The following JAKMIP1 variants were observed in gnomAD, a reference collection of about 807,000 sequenced individuals.
The protein encoded by JAKMIP1 is janus kinase and microtubule interacting protein 1, also known as janus kinase and microtubule-interacting protein 1.
JAKMIP1 carries 33 observed loss-of-function variants against 113.0 expected under a neutral mutation model. The ratio of observed to expected loss-of-function variants is 0.29; its 90% CI spans 0.22 to 0.39. The LOEUF is 0.39. JAKMIP1 is among the 10% of genes least tolerant of loss of function. The pLI, the probability that JAKMIP1 is intolerant of heterozygous loss-of-function variation, is 1.00. For missense variants in JAKMIP1, 813 were observed against 1,080.5 expected (o/e 0.75, Z 3.47); for synonymous variants, 480 against 459.9 (o/e 1.04, Z -0.56).
At chr4:6,071,207 G>T (rs768628503) in intron 8 of JAKMIP1, among the ~76,000 whole-genome samples, 1 of 152,166 alleles carries the variant, frequency 6.6e-6, no homozygotes, top group Non-Finnish European at 1.5e-5. Flanking sequence ...GTTTCCTAAT[G>T]AGGCACCACC....
Position 6,153,091 on chromosome 4 carries a change from T to C in JAKMIP1, c.-147-40094A>G, listed in dbSNP as rs2108988083. Reference sequence around the variant, plus strand: ...CCAGCCCCACCCATGCACATCCCCCTCCCCTACCTGCCTGAAGACTACACA... The same window carrying C: ...CCAGCCCCACCCATGCACATCCCCCCCCCCTACCTGCCTGAAGACTACACA... On this transcript the variant is annotated intron_variant, in intron 1 of 20. Coordinates refer to ENST00000409021, the MANE Select transcript of JAKMIP1 (RefSeq NM_001099433.2). This position sits in a 1 kb window ranked among gnomAD's most constrained non-coding sequence, Gnocchi z 4.9. Among the ~76,000 whole-genome samples, 1 of 151,702 alleles carries C rather than the reference T, an allele frequency of 6.6e-6. No individual in the cohort carries two copies. The highest frequency in any genetic ancestry group is 2.4e-5 in the African/African-American group (1 of 41,310).
At position 6,076,415 on chromosome 4, in the gene JAKMIP1, G is replaced by A. The variant is rs1420801982; in HGVS notation, c.1302+2524C>T. ...GTTTTTCTATATTATATATATATAT[G>A]TCTTCTGTAGCTGTAAAATTGAAAA... On this transcript the variant is annotated intron_variant, in intron 8 of 20. Transcript: ENST00000409021. The surrounding 1 kb of genome is among the most constrained non-coding windows in gnomAD (Gnocchi z 4.8). Among the ~76,000 whole-genome samples the A allele has an allele frequency of 7.1e-6, 1 of 141,560 alleles. No homozygotes were observed. Among genetic ancestry groups the A allele is most frequent in the Non-Finnish European group, 1.6e-5 (1 of 63,010 alleles). 92.9% of individuals were successfully genotyped at this position (141,560 alleles called of 152,430 possible). A position where few individuals can be genotyped will look rare whatever the true frequency, so the allele number is the denominator to read the frequency against.
Position 6,105,629 on chromosome 4 carries a change from C to G in JAKMIP1, c.468G>C (p.Leu156=). The G allele has an allele frequency of 1.9e-6, 3 of 1,595,342 alleles. No individual in the cohort carries two copies. Among genetic ancestry groups the G allele is most frequent in the Non-Finnish European group, 2.6e-6 (3 of 1,171,574 alleles). ...CCTGCTTGCGCGCTGCCTTGAGCTC[C>G]AGGATCTCCTGCTGCAGCCGCAGGC... The part of the protein sequence containing the change: ...GERLRLQQEI[L]ELKAARKQAE... Residue 156 remains leucine (L), a synonymous_variant, in exon 3 of 21, where the codon CTG becomes CTC. Transcript: ENST00000409021.
At chr4:6,056,847 T>A in intron 11 of JAKMIP1, 88 bp from the exon 12 acceptor site, 1 of 889,582 alleles carries the variant, frequency 1.1e-6, no homozygotes, top group Non-Finnish European at 1.9e-6. Context: ...TCACTTTCTA[T>A]GAAACTGACC....
chr4:6,064,865 T>C lies in JAKMIP1; in HGVS notation c.1431+15A>G, dbSNP rs752836179. 1.2e-6 allele frequency: 2 copies of C among 1,613,876 alleles called. No homozygotes were observed. The highest frequency in any genetic ancestry group is 4.5e-5 in the East Asian group (2 of 44,880). ...ATCTGGGGTGAGGTCCCGCCCTCTCTGCAGGTTTGCTTACATCGTCCAAGT... is the reference window on the plus strand; with the variant it reads ...ATCTGGGGTGAGGTCCCGCCCTCTCCGCAGGTTTGCTTACATCGTCCAAGT... On this transcript the variant is annotated intron_variant, in intron 9 of 20. Transcript: ENST00000409021. The surrounding 1 kb of genome is among the most constrained non-coding windows in gnomAD (Gnocchi z 4.3).
At chr4:6,060,603 C>T (rs1373118347) in intron 10 of JAKMIP1, 96 bp from the exon 11 acceptor site, 1 of 878,486 alleles carries the variant, frequency 1.1e-6, no homozygotes, top group African/African-American at 1.6e-5. Context: ...TGCCTAGGGT[C>T]CTTATAGGCA....
chr4:6,139,884 C>T lies in JAKMIP1; in HGVS notation c.-147-26887G>A, dbSNP rs114478083. Among the ~76,000 whole-genome samples, 1,183 of 152,188 alleles carry T rather than the reference C, an allele frequency of 7.8e-3. 12 individuals are homozygous for T. The highest frequency in any genetic ancestry group is 0.042 in the South Asian group (200 of 4,802). On this transcript the variant is annotated intron_variant, in intron 1 of 20. Coordinates refer to ENST00000409021, the MANE Select transcript of JAKMIP1 (RefSeq NM_001099433.2). The surrounding 1 kb of genome is among the most constrained non-coding windows in gnomAD (Gnocchi z 5.2). The stretch of plus-strand genomic sequence containing the variant: ...GGAGGAGGTCACGGGGCAGATTCCA[C>T]GAGCCAAGGAATACCAAGGACTGCC...
At chr4:6,034,368 T>C (rs757406826) in intron 19 of JAKMIP1, among the ~76,000 whole-genome samples, 2 of 152,162 alleles carry the variant, frequency 1.3e-5, no homozygotes, top group Non-Finnish European at 2.9e-5. Context: ...TCCCAGTGTC[T>C]GTGTTTTCAG....
At chr4:6,160,783 G>T (rs1056468638) in intron 1 of JAKMIP1, among the ~76,000 whole-genome samples, 6 of 152,010 alleles carry the variant, frequency 3.9e-5, no homozygotes, top group Admixed American at 3.9e-4. Context: ...TTTCCTGCGC[G>T]GGGGCTTCAG....
rs771314606 is a variant in JAKMIP1 at position 6,042,537 on chromosome 4, T to C, written c.2029-310A>G. Among the ~76,000 whole-genome samples the C allele has an allele frequency of 5.9e-5, 9 of 151,972 alleles. No homozygotes were observed. Among genetic ancestry groups the C allele is most frequent in the Admixed American group, 1.3e-4 (2 of 15,262 alleles). ...GTGCAGCAGAGGAAGTGGTGTGGTA[T>C]AGCTGATGTCAATGAGTGCCTGCTC... is the stretch of plus-strand genomic sequence containing the variant. On this transcript the variant is annotated intron_variant, in intron 16 of 20. Coordinates refer to ENST00000409021, the MANE Select transcript of JAKMIP1 (RefSeq NM_001099433.2). This position sits in a 1 kb window ranked among gnomAD's most constrained non-coding sequence, Gnocchi z 5.2.
chr4:6,192,488 T>G lies in JAKMIP1; in HGVS notation c.-148+7765A>C, dbSNP rs1727385493. 6.6e-6 allele frequency among the ~76,000 whole-genome samples: 1 copy of G among 152,222 alleles called. No individual in the cohort carries two copies. Among genetic ancestry groups the G allele is most frequent in the South Asian group, 2.1e-4 (1 of 4,832 alleles). ...CACTGCACGCAGACGCCACTGAGCCTGTTTTGGTTTTGGTCTACATCCAAA... is the reference window on the plus strand; with the variant it reads ...CACTGCACGCAGACGCCACTGAGCCGGTTTTGGTTTTGGTCTACATCCAAA... On this transcript the variant is annotated intron_variant, in intron 1 of 20. Coordinates refer to ENST00000409021, the MANE Select transcript of JAKMIP1 (RefSeq NM_001099433.2). This position sits in a 1 kb window ranked among gnomAD's most constrained non-coding sequence, Gnocchi z 5.0.
At chr4:6,170,720 C>G in intron 1 of JAKMIP1, among the ~76,000 whole-genome samples, 1 of 79,560 alleles carries the variant, frequency 1.3e-5, no homozygotes, top group Admixed American at 1.3e-4. Flanking sequence ...ACCACCATCC[C>G]CATCCCCATC....
At chr4:6,118,039 A>G (rs1156792429) in intron 1 of JAKMIP1, among the ~76,000 whole-genome samples, 3 of 152,234 alleles carry the variant, frequency 2.0e-5, no homozygotes, top group Non-Finnish European at 4.4e-5. Flanking sequence ...CTTGGCTGAC[A>G]GGATTAAGAG....
At position 6,081,866 on chromosome 4, in the gene JAKMIP1, G is replaced by A; in HGVS notation, c.955-111C>T. ...CCAGTTAGGACCCCTTCTGAGGCCA[G>A]TGTCCTGGATGACACATTTGTTTGC... On this transcript the variant is annotated intron_variant, in intron 5 of 20. Coordinates refer to ENST00000409021, the MANE Select transcript of JAKMIP1 (RefSeq NM_001099433.2). This position sits in a 1 kb window ranked among gnomAD's most constrained non-coding sequence, Gnocchi z 4.6. 8.1e-7 allele frequency: 1 copy of A among 1,241,298 alleles called. No individual in the cohort carries two copies. The highest frequency in any genetic ancestry group is 1.5e-5 in the African/African-American group (1 of 67,300). The allele number at this position is 1,241,298 out of a possible 1,614,324, so 76.9% of individuals were successfully genotyped here.
chr4:6,056,608 G>T, intron 12 of JAKMIP1, 89 bp downstream of exon 12: 1 of 960,494 alleles, frequency 1.0e-6, no homozygotes, highest in Non-Finnish European at 1.7e-6. Flanking sequence ...TGCCCAAATG[G>T]CGCTGGGCAC....
chr4:6,160,046 G>A lies in JAKMIP1; in HGVS notation c.-148+40207C>T, dbSNP rs1049943268. Among the ~76,000 whole-genome samples, 59 of 152,130 alleles carry A rather than the reference G, an allele frequency of 3.9e-4. 2 individuals carry two copies. The highest frequency in any genetic ancestry group is 1.0e-4 in the Non-Finnish European group (7 of 68,036). ...AAGGTGATTTCCTTTTGGGAGTAAG[G>A]GAATCAGGCTGTTTGAAGAAAAGAG... On this transcript the variant is annotated intron_variant, in intron 1 of 20. Coordinates refer to ENST00000409021, the MANE Select transcript of JAKMIP1 (RefSeq NM_001099433.2).
Position 6,180,333 on chromosome 4 carries a change from A to T in JAKMIP1, c.-148+19920T>A, listed in dbSNP as rs191002049. On this transcript the variant is annotated intron_variant, in intron 1 of 20. Transcript: ENST00000409021. The surrounding 1 kb of genome is among the most constrained non-coding windows in gnomAD (Gnocchi z 4.5). ...GTTTATCAACATTCAAGAGAACATA[A>T]TGAAGCTTCCTTTAGAACATTCTGT... 6.6e-6 allele frequency among the ~76,000 whole-genome samples: 1 copy of T among 152,322 alleles called. No individual in the cohort carries two copies. Among genetic ancestry groups the T allele is most frequent in the East Asian group, 1.9e-4 (1 of 5,186 alleles).
intron 1 of JAKMIP1, among the ~76,000 whole-genome samples, chr4:6,119,745 A>G (rs1391487753): frequency 2.0e-5 from 3 of 152,208 alleles, no homozygotes; most frequent in Admixed American, 6.5e-5. Flanking sequence ...ATCCCTCTAC[A>G]GTCACAATTC....
chr4:6,054,899 C>T (rs1483577967), intron 12 of JAKMIP1: 4 of 455,752 alleles, frequency 8.8e-6, no homozygotes, highest in South Asian at 3.1e-5. Context: ...ATCCCACCCC[C>T]GGGAGACCTT....
Sources: gnomAD v4.1 joint callset for allele counts (sites outside exome capture counted in the v4.1 genomes callset) on GRCh38, gnomAD v4.1.1 for gene constraint, Gnocchi (gnomAD v3.1) non-coding constraint, MANE v1.5 for transcripts, NCBI Gene and HGNC (gene_info 2026-07-23, HGNC 2026-07-21) for gene names.